Variants in COL16A1 observed in about 807,000 individuals in gnomAD.
COL16A1 encodes the protein collagen alpha-1(XVI) chain.
In COL16A1, 189 loss-of-function variants were observed where a neutral mutation model predicts 266.3. The observed-to-expected ratio is 0.71, with a 90% CI of 0.63 to 0.80. The LOEUF is 0.80. COL16A1 is among the 30% of genes least tolerant of loss of function. The probability of loss-of-function intolerance (pLI) is 0.00; values close to 1 mark genes in which losing one functional copy is unlikely to be tolerated. For synonymous variants in COL16A1, 740 were observed against 782.3 expected (o/e 0.95, Z 0.90); for missense variants, 1,928 against 2,122.4 (o/e 0.91, Z 1.80).
At chr1:31,689,501 C>T (rs939231684) in intron 23 of COL16A1, 73 of 579,112 alleles carry the variant, frequency 1.3e-4, no homozygotes, top group Non-Finnish European at 3.7e-5. Context: ...AAAAGGCACC[C>T]TAGAGTCTCC....
chr1:31,656,332 C>T lies in COL16A1; in HGVS notation c.4101+68G>A, dbSNP rs1641142505. 9.5e-6 allele frequency: 15 copies of T among 1,584,402 alleles called. No individual in the cohort carries two copies. Among genetic ancestry groups the T allele is most frequent in the African/African-American group, 2.7e-5 (2 of 74,234 alleles). Reference sequence around the variant, plus strand: ...TGTGTCTCCTCTCTGTGGCTAAAGCCGTAACTTGCAGCTGGGCTTCATCCA... The same window carrying T: ...TGTGTCTCCTCTCTGTGGCTAAAGCTGTAACTTGCAGCTGGGCTTCATCCA... On this transcript the variant is annotated intron_variant, in intron 66 of 70. Transcript: ENST00000373672. This position sits in a 1 kb window ranked among gnomAD's most constrained non-coding sequence, Gnocchi z 4.2.
chr1:31,683,914 G>A (rs373935924), intron 33 of COL16A1, 36 bp downstream of exon 33: 29 of 1,613,500 alleles, frequency 1.8e-5, no homozygotes, highest in East Asian at 2.2e-5. Context: ...CTGCCCTCAC[G>A]TAGCTACGGC....
rs944345897 is a variant in COL16A1 at position 31,668,042 on chromosome 1, G to A, written c.3303+123C>T. The A allele has an allele frequency of 3.7e-6, 3 of 802,330 alleles. No individual in the cohort carries two copies. In the African/African-American group the frequency reaches 5.2e-5, roughly 14 times the overall value. 49.7% of individuals were successfully genotyped at this position (802,330 alleles called of 1,614,324 possible). A position where few individuals can be genotyped will look rare whatever the true frequency, so the allele number is the denominator to read the frequency against. ...GGCTGCATGGACTTTAGGCAAAGGA[G>A]GAGGCTGAAATGCCCGGTAATGGGG... On this transcript the variant is annotated intron_variant, in intron 51 of 70. Coordinates refer to ENST00000373672, the MANE Select transcript of COL16A1 (RefSeq NM_001856.4). The surrounding 1 kb of genome is among the most constrained non-coding windows in gnomAD (Gnocchi z 5.8).
Position 31,701,349 on chromosome 1 carries a change from C to G in COL16A1, c.73+772G>C, listed in dbSNP as rs943819628. ...GCTCACGCACACACAAGCAGAAACA[C>G]ATATGTGCACATACAAGGGGCAGGC... On this transcript the variant is annotated intron_variant, in intron 2 of 70. Coordinates refer to ENST00000373672, the MANE Select transcript of COL16A1 (RefSeq NM_001856.4). 7.1e-6 allele frequency: 7 copies of G among 985,306 alleles called. No individual in the cohort carries two copies. In the African/African-American group the frequency reaches 1.2e-4, roughly 17 times the overall value. The allele number at this position is 985,306 out of a possible 1,614,324, so 61.0% of individuals were successfully genotyped here.
At position 31,656,714 on chromosome 1, in the gene COL16A1, A is replaced by T. The variant is rs1029392047; in HGVS notation, c.4057-270T>A. 2.6e-5 allele frequency among the ~76,000 whole-genome samples: 4 copies of T among 151,994 alleles called. No individual in the cohort carries two copies. The highest frequency in any genetic ancestry group is 9.7e-5 in the African/African-American group (4 of 41,358). On this transcript the variant is annotated intron_variant, in intron 65 of 70. Coordinates refer to ENST00000373672, the MANE Select transcript of COL16A1 (RefSeq NM_001856.4). The surrounding 1 kb of genome is among the most constrained non-coding windows in gnomAD (Gnocchi z 4.2). ...CAGAATGAGAGGGCCAGTCTGTGGC[A>T]TACTGGGGGGCCTGGAAAGACCTGG...
rs961369261 is a variant in COL16A1 at position 31,668,337 on chromosome 1, C to G, written c.3250-119G>C. ...CTGCCATCTAGCAGGTGCCAGCCTGCCCCAGCATTGCACACTGGGCCATCT... is the reference window on the plus strand; with the variant it reads ...CTGCCATCTAGCAGGTGCCAGCCTGGCCCAGCATTGCACACTGGGCCATCT... On this transcript the variant is annotated intron_variant, in intron 50 of 70. Coordinates refer to ENST00000373672, the MANE Select transcript of COL16A1 (RefSeq NM_001856.4). The surrounding 1 kb of genome is among the most constrained non-coding windows in gnomAD (Gnocchi z 5.8). 9.5e-7 allele frequency: 1 copy of G among 1,056,336 alleles called. No individual in the cohort carries two copies. The highest frequency in any genetic ancestry group is 1.3e-5 in the South Asian group (1 of 74,810). The allele number at this position is 1,056,336 out of a possible 1,614,324, so 65.4% of individuals were successfully genotyped here. A position where few individuals can be genotyped will look rare whatever the true frequency, so the allele number is the denominator to read the frequency against.
intron 62 of COL16A1, chr1:31,659,827 C>G (rs890312198): frequency 6.6e-6 from 1 of 152,170 alleles, no homozygotes; most frequent in Non-Finnish European, 1.5e-5. Flanking sequence ...AATGGGGCCA[C>G]GCTTCTGAGT....
In COL16A1 at chr1:31,699,874, G is replaced by C. The variant is rs775899276; in HGVS notation, c.205C>G (p.Arg69Gly). The stretch of plus-strand genomic sequence containing the variant: ...AGGATGAGAGGCCCCTTGGGGTTGC[G>C]GATCTTCTTGATGGCAGACGTCTTC... ...LMKTSAIKKIRNPKGPLILRL... is the reference protein window; with the variant it reads ...LMKTSAIKKIGNPKGPLILRL... The change falls in exon 4 of 71, where the codon CGC becomes GGC. Residue 69 changes from arginine (R) to glycine (G), a missense_variant. Physicochemically the swap from Arg to Gly is moderately radical, Grantham distance 125. Coordinates refer to ENST00000373672, the MANE Select transcript of COL16A1 (RefSeq NM_001856.4). 6.2e-7 allele frequency: 1 copy of C among 1,614,126 alleles called. No homozygotes were observed. The highest frequency in any genetic ancestry group is 1.7e-5 in the Admixed American group (1 of 60,024).
chr1:31,667,693 G>A (rs1400255546), intron 51 of COL16A1, 65 bp from the exon 52 acceptor site: 67 of 1,435,312 alleles, frequency 4.7e-5, no homozygotes, highest in Admixed American at 1.4e-4. Context: ...GCACTAATGC[G>A]AGGAGCGGAG....
At chr1:31,679,364 A>G in intron 42 of COL16A1, 1 of 1,478,616 alleles carries the variant, frequency 6.8e-7, no homozygotes, top group East Asian at 2.5e-5. Flanking sequence ...GTACCAGGGT[A>G]AGGGATTTTT....
Position 31,662,668 on chromosome 1 carries a change from A to AGGGGGGGGGGGGGGGGGGGGGGGGGGG in COL16A1, c.3556-11_3556-10insCCCCCCCCCCCCCCCCCCCCCCCCCCC. On this transcript the variant is annotated splice_polypyrimidine_tract_variant and intron_variant, in intron 56 of 70. Coordinates refer to ENST00000373672, the MANE Select transcript of COL16A1 (RefSeq NM_001856.4). ...GAATCCCTTCGCTGCCCTGGAAACC[A>AGGGGGGGGGGGGGGGGGGGGGGGGGGG]GCGCCGCCCCCCCCCCCCGCCCCAC... 7.1e-7 allele frequency: 1 copy of AGGGGGGGGGGGGGGGGGGGGGGGGGGG among 1,407,798 alleles called. No individual in the cohort carries two copies. Among genetic ancestry groups the AGGGGGGGGGGGGGGGGGGGGGGGGGGG allele is most frequent in the Non-Finnish European group, 9.7e-7 (1 of 1,035,192 alleles). 87.2% of individuals were successfully genotyped at this position (1,407,798 alleles called of 1,614,324 possible). A position where few individuals can be genotyped will look rare whatever the true frequency, so the allele number is the denominator to read the frequency against.
At position 31,698,669 on chromosome 1, in the gene COL16A1, G is replaced by A. The variant is rs184327631; in HGVS notation, c.267-63C>T. ...TGAGGACCCAAATGCTGCCCACCCTGAGCCCTCAGGACTGCTGAGCCTACC... is the reference window on the plus strand; with the variant it reads ...TGAGGACCCAAATGCTGCCCACCCTAAGCCCTCAGGACTGCTGAGCCTACC... On this transcript the variant is annotated intron_variant, in intron 4 of 70. Coordinates refer to ENST00000373672, the MANE Select transcript of COL16A1 (RefSeq NM_001856.4). The surrounding 1 kb of genome is among the most constrained non-coding windows in gnomAD (Gnocchi z 4.1). The A allele has an allele frequency of 4.5e-5, 71 of 1,593,742 alleles. No individual in the cohort carries two copies. The highest frequency in any genetic ancestry group is 6.0e-5 in the Non-Finnish European group (70 of 1,172,826).
At chr1:31,681,681 C>T (rs537678224) in intron 37 of COL16A1, among the ~76,000 whole-genome samples, 3 of 152,362 alleles carry the variant, frequency 2.0e-5, no homozygotes, top group Admixed American at 1.3e-4. Flanking sequence ...GTTTGGGCAA[C>T]GGCATGGAGT....
Position 31,694,162 on chromosome 1 carries a change from A to G in COL16A1, c.990T>C (p.Leu330=). 6.3e-7 allele frequency: 1 copy of G among 1,597,662 alleles called. No homozygotes were observed. The highest frequency in any genetic ancestry group is 2.3e-5 in the East Asian group (1 of 44,214). Residue 330 remains leucine (L), a synonymous_variant, in exon 12 of 71, where the codon CTT becomes CTC. Coordinates refer to ENST00000373672, the MANE Select transcript of COL16A1 (RefSeq NM_001856.4). ...GACTCACCTTGGGGCCAGAGGGAGC[A>G]AGTGTGACCTGAGGGGACAGAGGAG... ...VHGARDSNVT[L]APSGPKGGKG...
Position 31,683,892 on chromosome 1 carries a change from C to T in COL16A1, c.2337+58G>A, listed in dbSNP as rs1570506558. The T allele has an allele frequency of 2.5e-6, 4 of 1,612,102 alleles. No homozygotes were observed. In the East Asian group the frequency reaches 6.7e-5, roughly 27 times the overall value. On this transcript the variant is annotated intron_variant, in intron 33 of 70. Coordinates refer to ENST00000373672, the MANE Select transcript of COL16A1 (RefSeq NM_001856.4). ...CAGGCCCACTGCCCCCATGGATCTC[C>T]CTATCCCACCCCTGCCCTCACGTAG...
In COL16A1 at chr1:31,652,977, A is replaced by C. The variant is rs994694174; in HGVS notation, c.4613-124T>G. 2 of 1,012,016 alleles carry C rather than the reference A, an allele frequency of 2.0e-6. No homozygotes were observed. Among genetic ancestry groups the C allele is most frequent in the Non-Finnish European group, 2.7e-6 (2 of 747,288 alleles). The allele number at this position is 1,012,016 out of a possible 1,614,324, so 62.7% of individuals were successfully genotyped here. On this transcript the variant is annotated intron_variant, in intron 70 of 70. Transcript: ENST00000373672. This position sits in a 1 kb window ranked among gnomAD's most constrained non-coding sequence, Gnocchi z 4.8. ...GTTTCTCAAGTTACCACATGTTTTC[A>C]TGAAGACCTAGTCTGATCCTCACGT...
Position 31,668,247 on chromosome 1 carries a change from G to GC in COL16A1, c.3250-30dup, listed in dbSNP as rs781281545. 3 of 1,611,644 alleles carry GC rather than the reference G, an allele frequency of 1.9e-6. No homozygotes were observed. Among genetic ancestry groups the GC allele is most frequent in the Non-Finnish European group, 2.5e-6 (3 of 1,178,086 alleles). ...CAAAGAAAGGCAGACATGATGGATA[G>GC]CCCCCCAACATTTCTGTTCTCCCCT... On this transcript the variant is annotated intron_variant, in intron 50 of 70. Coordinates refer to ENST00000373672, the MANE Select transcript of COL16A1 (RefSeq NM_001856.4). This position sits in a 1 kb window ranked among gnomAD's most constrained non-coding sequence, Gnocchi z 5.8.
rs1478472825 is a variant in COL16A1, at chr1:31,664,757, T to C, written c.3555+415A>G. Among the ~76,000 whole-genome samples, 1 of 152,142 alleles carries C rather than the reference T, an allele frequency of 6.6e-6. No homozygotes were observed. The highest frequency in any genetic ancestry group is 1.5e-5 in the Non-Finnish European group (1 of 68,012). On this transcript the variant is annotated intron_variant, in intron 56 of 70. Transcript: ENST00000373672. The surrounding 1 kb of genome is among the most constrained non-coding windows in gnomAD (Gnocchi z 5.5). Reference sequence around the variant, plus strand: ...GGAGGAGCCCATTCCCCTTCCACGTTGGTGTCCTCCTTCAGGACGTGCTTC... The same window carrying C: ...GGAGGAGCCCATTCCCCTTCCACGTCGGTGTCCTCCTTCAGGACGTGCTTC...
At chr1:31,695,106 G>C in intron 11 of COL16A1, 80 bp downstream of exon 11, 1 of 1,480,324 alleles carries the variant, frequency 6.8e-7, no homozygotes, top group Non-Finnish European at 9.4e-7. Flanking sequence ...TCCTCACCCA[G>C]GAGGCTGCCA....
Sources: gnomAD v4.1 joint callset for allele counts (sites outside exome capture counted in the v4.1 genomes callset) on GRCh38, gnomAD v4.1.1 for gene constraint, Gnocchi (gnomAD v3.1) non-coding constraint, MANE v1.5 for transcripts, NCBI Gene and HGNC (gene_info 2026-07-23, HGNC 2026-07-21) for gene names.